CYP7B1: variants seen among roughly 807,000 people sequenced by gnomAD.
CYP7B1 encodes the protein cytochrome P450 family 7 subfamily B member 1.
Under a neutral mutation model 42.7 loss-of-function variants are expected in CYP7B1, and 29 were observed. That is an observed-to-expected ratio of 0.68 (90% CI 0.51 to 0.93). The LOEUF is 0.93. CYP7B1 is among the 40% of genes least tolerant of loss of function. The probability of loss-of-function intolerance (pLI) is 0.00; values close to 1 mark genes in which losing one functional copy is unlikely to be tolerated. For synonymous variants in CYP7B1, 235 were observed against 218.2 expected (o/e 1.08, Z -0.68); for missense variants, 655 against 600.5 (o/e 1.09, Z -0.95).
At chr8:64,656,449 C>G (rs1806121850) in intron 1 of CYP7B1, among the ~76,000 whole-genome samples, 1 of 152,150 alleles carries the variant, frequency 6.6e-6, no homozygotes. Flanking sequence ...CTACTACACC[C>G]TCAATCATCT....
chr8:64,785,489 G>A (rs1804508308), intron 1 of CYP7B1, among the ~76,000 whole-genome samples: 1 of 152,186 alleles, frequency 6.6e-6, no homozygotes. Context: ...TGAACAAACT[G>A]TGGTACATCT....
Position 64,596,471 on chromosome 8 carries a change from T to C in CYP7B1, c.*171A>G, listed in dbSNP as rs1469426177. 9 of 654,050 alleles carry C rather than the reference T, an allele frequency of 1.4e-5. No homozygotes were observed. The highest frequency in any genetic ancestry group is 2.0e-5 in the Non-Finnish European group (8 of 400,784). The allele number at this position is 654,050 out of a possible 1,614,324, so 40.5% of individuals were successfully genotyped here. A position where few individuals can be genotyped will look rare whatever the true frequency, so the allele number is the denominator to read the frequency against. ...TTTCCTGCCACCATCCTGTTTTATA[T>C]TATGATGGGCTTTGTGACTAAGGAC... is the stretch of plus-strand genomic sequence containing the variant. On this transcript the variant is annotated 3_prime_UTR_variant, in exon 6 of 6. Transcript: ENST00000310193.
chr8:64,614,970 AAC>A (rs1805411729), intron 4 of CYP7B1, 54 bp downstream of exon 4: 1 of 1,579,260 alleles, frequency 6.3e-7, no homozygotes, highest in East Asian at 2.2e-5. Context: ...ATGAGTGATA[AAC>A]CGAGTTTGCA....
At chr8:64,758,198 T>C (rs1807835230) in intron 1 of CYP7B1, among the ~76,000 whole-genome samples, 2 of 152,222 alleles carry the variant, frequency 1.3e-5, no homozygotes, top group South Asian at 4.1e-4. Flanking sequence ...TGCCCCTTTA[T>C]GGAGGAAAAA....
chr8:64,680,974 A>G (rs1806527498), intron 1 of CYP7B1, among the ~76,000 whole-genome samples: 1 of 152,046 alleles, frequency 6.6e-6, no homozygotes, highest in African/African-American at 2.4e-5. Context: ...TTACTCATAC[A>G]TTGCTCAACA....
chr8:64,706,093 C>T (rs185670346), intron 1 of CYP7B1, among the ~76,000 whole-genome samples: 11 of 151,986 alleles, frequency 7.2e-5, no homozygotes, highest in African/African-American at 2.4e-4. Flanking sequence ...AAAAAGAAAA[C>T]AGCATTAAGA....
At chr8:64,781,618 C>G (rs1164200653) in intron 1 of CYP7B1, among the ~76,000 whole-genome samples, 1 of 152,182 alleles carries the variant, frequency 6.6e-6, no homozygotes, top group African/African-American at 2.4e-5. Flanking sequence ...GACCTCCTTT[C>G]TCTGCCTCCT....
Position 64,610,150 on chromosome 8 carries a change from G to T in CYP7B1, c.1057+4876C>A, listed in dbSNP as rs148393401. On this transcript the variant is annotated intron_variant, in intron 4 of 5. Coordinates refer to ENST00000310193, the MANE Select transcript of CYP7B1 (RefSeq NM_004820.5). ...AATAATTTGCATTTTAATTAAAGTT[G>T]CTTTTCAATCCTTTCAGATTCTGTT... 3.2e-3 allele frequency among the ~76,000 whole-genome samples: 488 copies of T among 152,216 alleles called. 8 individuals are homozygous for T. Among genetic ancestry groups the T allele is most frequent in the African/African-American group, 0.011 (476 of 41,524 alleles).
intron 1 of CYP7B1, among the ~76,000 whole-genome samples, chr8:64,771,488 T>C (rs1173025982): frequency 1.3e-5 from 2 of 152,204 alleles, no homozygotes; most frequent in African/African-American, 4.8e-5. Context: ...TTCTGCCAAA[T>C]TGATAGAATT....
chr8:64,656,982 A>C (rs902447090), intron 1 of CYP7B1, among the ~76,000 whole-genome samples: 1 of 152,170 alleles, frequency 6.6e-6, no homozygotes, highest in Non-Finnish European at 1.5e-5. Context: ...TCCTGGGCCC[A>C]AGGAATGCTA....
chr8:64,646,280 A>G (rs1241321844), intron 1 of CYP7B1, among the ~76,000 whole-genome samples: 5 of 152,134 alleles, frequency 3.3e-5, no homozygotes, highest in African/African-American at 1.2e-4. Flanking sequence ...AAATGGGAGA[A>G]AATTTTCGCA....
At chr8:64,683,508 G>C (rs990100557) in intron 1 of CYP7B1, among the ~76,000 whole-genome samples, 1 of 152,036 alleles carries the variant, frequency 6.6e-6, no homozygotes, top group Non-Finnish European at 1.5e-5. Context: ...GAATGAATAA[G>C]ACCTACTGTT....
At position 64,615,044 on chromosome 8, in the gene CYP7B1, C is replaced by T. The variant is rs2129630164; in HGVS notation, c.1039G>A (p.Asp347Asn). 1.2e-6 allele frequency: 2 copies of T among 1,613,562 alleles called. No homozygotes were observed. Among genetic ancestry groups the T allele is most frequent in the Non-Finnish European group, 1.7e-6 (2 of 1,179,684 alleles). Residue 347 changes from aspartate to asparagine, a missense_variant, in exon 4 of 6, where the codon GAC becomes AAC. Coordinates refer to ENST00000310193, the MANE Select transcript of CYP7B1 (RefSeq NM_004820.5). ...AAATTACCTAGGCAGATTAGGCTGT[C>T]CAATTGTTCTCTGGTGAGGTGGATG... Reference protein sequence around the residue: ...FPIHLTREQLDSLICLESSIF... With the variant: ...FPIHLTREQLNSLICLESSIF...
rs1409913228 is a variant in CYP7B1, at chr8:64,631,726, A to G, written c.123-7187T>C. ...GAACTCCTAAAACTCAACAGTAAAA[A>G]TCCTAATAACCCAATTAAAAAATGG... is the stretch of plus-strand genomic sequence containing the variant. On this transcript the variant is annotated intron_variant, in intron 1 of 5. Transcript: ENST00000310193. Among the ~76,000 whole-genome samples, 3 of 152,226 alleles carry G rather than the reference A, an allele frequency of 2.0e-5. No homozygotes were observed. The East Asian group carries it at 5.8e-4, about 29-fold the overall frequency.
At chr8:64,681,729 T>C (rs1161143284) in intron 1 of CYP7B1, among the ~76,000 whole-genome samples, 2 of 152,076 alleles carry the variant, frequency 1.3e-5, no homozygotes, top group Non-Finnish European at 2.9e-5. Context: ...TCAGCCCAAA[T>C]TGAGTTTTGA....
intron 1 of CYP7B1, among the ~76,000 whole-genome samples, chr8:64,727,433 G>A (rs538917180): frequency 2.0e-3 from 300 of 152,092 alleles, no homozygotes; most frequent in African/African-American, 7.0e-3. Context: ...TAGTCAATGA[G>A]CCAATTTTCA....
chr8:64,782,845 G>A (rs1040658102), intron 1 of CYP7B1, among the ~76,000 whole-genome samples: 1 of 152,064 alleles, frequency 6.6e-6, no homozygotes, highest in African/African-American at 2.4e-5. Context: ...TTTTATTTTA[G>A]GGTCATCATG....
At chr8:64,733,529 A>G (rs1465299665) in intron 1 of CYP7B1, among the ~76,000 whole-genome samples, 1 of 152,166 alleles carries the variant, frequency 6.6e-6, no homozygotes, top group Non-Finnish European at 1.5e-5. Flanking sequence ...AATCAGTTCC[A>G]CATGCACAGG....
intron 1 of CYP7B1, among the ~76,000 whole-genome samples, chr8:64,714,340 T>C (rs73689573): frequency 0.081 from 12,316 of 152,268 alleles, 751 homozygotes; most frequent in African/African-American, 0.16. Context: ...TGTGTGCAAA[T>C]GCATGAACAA....
Sources: gnomAD v4.1 joint callset for allele counts (sites outside exome capture counted in the v4.1 genomes callset) on GRCh38, gnomAD v4.1.1 for gene constraint, MANE v1.5 for transcripts, NCBI Gene and HGNC (gene_info 2026-07-23, HGNC 2026-07-21) for gene names.